The following CHL1 variants were observed in gnomAD, a reference collection of about 807,000 sequenced individuals.
CHL1 encodes the protein neural cell adhesion molecule L1-like protein.
In CHL1, 96 loss-of-function variants were observed where a neutral mutation model predicts 141.9. That is an observed-to-expected ratio of 0.68 (90% confidence interval 0.57 to 0.80). The LOEUF (loss-of-function observed/expected upper bound fraction) is 0.80, where lower values mean the gene tolerates loss of function less well. CHL1 is among the 30% of genes least tolerant of loss of function. The pLI, the probability that CHL1 is intolerant of heterozygous loss-of-function variation, is 0.00. For synonymous variants in CHL1, 613 were observed against 502.2 expected (o/e 1.22, Z -2.95); for missense variants, 1,820 against 1,457.2 (o/e 1.25, Z -4.05).
chr3:359,017 AAT>A (rs1448399740), intron 11 of CHL1, among the ~76,000 whole-genome samples: 1 of 147,740 alleles, frequency 6.8e-6, no homozygotes, highest in Non-Finnish European at 1.5e-5. Flanking sequence ...ATAATATAAT[AAT>A]ATATATTTAT....
chr3:394,248 G>C (rs556744443), intron 23 of CHL1, among the ~76,000 whole-genome samples: 6 of 152,212 alleles, frequency 3.9e-5, no homozygotes, highest in African/African-American at 1.4e-4. Flanking sequence ...AGAAACCATA[G>C]AAGACACAAA....
At chr3:278,478 C>T (rs766797480) in intron 2 of CHL1, among the ~76,000 whole-genome samples, 6 of 152,198 alleles carry the variant, frequency 3.9e-5, no homozygotes, top group Non-Finnish European at 8.8e-5. Context: ...GTATGTCACA[C>T]ACTACTGCAA....
At chr3:382,058 C>A in intron 16 of CHL1, 121 bp from the exon 17 acceptor site, 1 of 660,078 alleles carries the variant, frequency 1.5e-6, no homozygotes, top group Admixed American at 3.2e-5. Context: ...GGCGGGGGTG[C>A]TTCCCAGGTC....
chr3:215,873 T>C (rs1700277568), intron 1 of CHL1, among the ~76,000 whole-genome samples: 2 of 152,214 alleles, frequency 1.3e-5, no homozygotes, highest in Admixed American at 6.5e-5. Flanking sequence ...AATTTATTTC[T>C]GAGTTTACCA....
intron 1 of CHL1, among the ~76,000 whole-genome samples, chr3:244,252 T>G (rs576689039): frequency 4.2e-4 from 64 of 152,354 alleles, no homozygotes; most frequent in African/African-American, 1.5e-3. Flanking sequence ...AAGTAGCTAT[T>G]GTGCCAGACA....
intron 2 of CHL1, among the ~76,000 whole-genome samples, chr3:307,775 T>G (rs1699375983): frequency 6.6e-6 from 1 of 152,010 alleles, no homozygotes; most frequent in African/African-American, 2.4e-5. Flanking sequence ...TAGTAACCAG[T>G]GCTGCTACAT....
At chr3:244,274 C>T (rs574900187) in intron 1 of CHL1, among the ~76,000 whole-genome samples, 8 of 152,190 alleles carry the variant, frequency 5.3e-5, no homozygotes, top group Non-Finnish European at 1.0e-4. Context: ...GTCAGGAGAA[C>T]CGCTATGTAG....
At chr3:324,623 T>C (rs1461463388) in intron 3 of CHL1, among the ~76,000 whole-genome samples, 21 of 151,022 alleles carry the variant, frequency 1.4e-4, no homozygotes, top group African/African-American at 5.1e-4. Context: ...ATTTATTTAT[T>C]TATTTATTTA....
At chr3:315,119 A>G (rs926656147) in intron 2 of CHL1, among the ~76,000 whole-genome samples, 9 of 152,182 alleles carry the variant, frequency 5.9e-5, no homozygotes, top group Admixed American at 1.3e-4. Context: ...CCTCATTGCC[A>G]CTATCAACAC....
Position 382,635 on chromosome 3 carries a change from A to G in CHL1, c.2140A>G (p.Ser714Gly), listed in dbSNP as rs1395096292. Residue 714 changes from serine (S) to glycine (G), a missense_variant, in exon 18 of 28, where the codon AGC (serine) becomes GGC (glycine). Transcript: ENST00000256509. ...AVNEVGRSQP[S>G]QPSDHHETPP... is the part of the protein sequence containing the mutation. ...GAACGAAGTAGGGAGAAGTCAGCCT[A>G]GCCAGCCGTCAGACCATCATGAAAC... 1 of 1,613,688 alleles carries G rather than the reference A, an allele frequency of 6.2e-7. No individual in the cohort carries two copies. The highest frequency in any genetic ancestry group is 8.5e-7 in the Non-Finnish European group (1 of 1,179,820).
intron 2 of CHL1, among the ~76,000 whole-genome samples, chr3:293,259 T>C (rs1697865254): frequency 6.6e-6 from 1 of 152,158 alleles, no homozygotes; most frequent in Non-Finnish European, 1.5e-5. Context: ...CCTAGCACTT[T>C]GGGAGGCCGA....
intron 11 of CHL1, among the ~76,000 whole-genome samples, chr3:355,838 T>A (rs1352708858): frequency 6.6e-6 from 1 of 152,176 alleles, no homozygotes; most frequent in African/African-American, 2.4e-5. Flanking sequence ...GTTTATAAAC[T>A]CTGGAGCCAG....
chr3:259,702 G>C (rs13066151), intron 2 of CHL1, among the ~76,000 whole-genome samples: 4,793 of 152,130 alleles, frequency 0.032, 80 homozygotes, highest in Middle Eastern at 0.051. Flanking sequence ...TTCATGAAAG[G>C]AGGTACTTTG....
chr3:372,408 T>C (rs1559324962), intron 15 of CHL1, among the ~76,000 whole-genome samples: 1 of 152,170 alleles, frequency 6.6e-6, no homozygotes, highest in Non-Finnish European at 1.5e-5. Context: ...TGGCTACTGA[T>C]ACTTGTGTAT....
intron 16 of CHL1, among the ~76,000 whole-genome samples, chr3:378,422 C>G (rs1167530907): frequency 6.6e-6 from 1 of 152,126 alleles, no homozygotes; most frequent in East Asian, 1.9e-4. Flanking sequence ...AAAGGAATGT[C>G]TTTGATTTTT....
chr3:372,421 T>C (rs1705754340), intron 15 of CHL1, among the ~76,000 whole-genome samples: 1 of 152,180 alleles, frequency 6.6e-6, no homozygotes, highest in Non-Finnish European at 1.5e-5. Flanking sequence ...TTGTGTATGC[T>C]TCATGAAGTT....
In CHL1 at chr3:344,700, C is replaced by G. The variant is rs528988079; in HGVS notation, c.839C>G (p.Ala280Gly). The change falls in exon 9 of 28, where the codon GCT becomes GGT. Residue 280 changes from alanine (A) to glycine (G), a missense_variant. By Grantham distance (60) the Ala-to-Gly change is moderately conservative. Transcript: ENST00000256509. Reference protein sequence around the residue: ...KGEILLLECFAEGLPTPQVDW... With the variant: ...KGEILLLECFGEGLPTPQVDW... ...GAAATCTTGCTGCTTGAGTGTTTTG[C>G]TGAAGGCTTGTGAGTAACCTGACTC... The G allele has an allele frequency of 6.2e-7, 1 of 1,613,574 alleles. No individual in the cohort carries two copies. Among genetic ancestry groups the G allele is most frequent in the African/African-American group, 1.3e-5 (1 of 74,974 alleles).
At chr3:355,543 G>C (rs573215497) in intron 11 of CHL1, among the ~76,000 whole-genome samples, 8 of 152,154 alleles carry the variant, frequency 5.3e-5, no homozygotes, top group African/African-American at 9.7e-5. Context: ...ATATTTTTAC[G>C]TGTCAATTGC....
rs143837500 is a variant in CHL1 at position 250,902 on chromosome 3, G to A, written c.-95+6210G>A. 3.4e-3 allele frequency among the ~76,000 whole-genome samples: 516 copies of A among 152,188 alleles called. 2 individuals carry two copies. The highest frequency in any genetic ancestry group is 0.012 in the African/African-American group (495 of 41,534). ...TTGTAGGAATTAAGCATTTTCAAAG[G>A]CATTTATTCAACGATTGTTTTTGTG... is the stretch of plus-strand genomic sequence containing the variant. On this transcript the variant is annotated intron_variant, in intron 2 of 27. Transcript: ENST00000256509.
Sources: allele counts gnomAD v4.1 joint callset (sites outside exome capture counted in the v4.1 genomes callset), GRCh38; gene constraint gnomAD v4.1.1; transcripts MANE v1.5; gene names NCBI Gene and HGNC (gene_info 2026-07-23, HGNC 2026-07-21).